The following IFT80 variants were observed in gnomAD, a reference collection of about 807,000 sequenced individuals.
The protein encoded by IFT80 is intraflagellar transport protein 80 homolog.
Under a neutral mutation model 107.9 loss-of-function variants are expected in IFT80, and 79 were observed. The observed-to-expected ratio is 0.73, with a 90% CI of 0.61 to 0.88. The LOEUF (loss-of-function observed/expected upper bound fraction) is 0.88, where lower values mean the gene tolerates loss of function less well. Ranked by LOEUF, IFT80 falls within the 40% of genes least tolerant of loss-of-function variation. The pLI is 0.00. For synonymous variants in IFT80, 299 were observed against 300.9 expected, an observed-to-expected ratio of 0.99 and a Z score of 0.07; for missense variants, 797 against 914.2, an observed-to-expected ratio of 0.87 and a Z score of 1.65.
intron 19 of IFT80, among the ~76,000 whole-genome samples, chr3:160,264,179 G>A (rs560220905): frequency 5.3e-5 from 8 of 149,708 alleles, no homozygotes; most frequent in East Asian, 2.0e-4. Context: ...GCGTGACCTC[G>A]GCTCACTGCA....
At chr3:160,308,772 T>C (rs1308817619) in intron 9 of IFT80, among the ~76,000 whole-genome samples, 1 of 152,200 alleles carries the variant, frequency 6.6e-6, no homozygotes, top group Non-Finnish European at 1.5e-5. Context: ...ATGATCTAAA[T>C]GTTTATGTCT....
chr3:160,343,801 C>A, intron 8 of IFT80: 1 of 331,352 alleles, frequency 3.0e-6, no homozygotes, highest in South Asian at 2.5e-5. Context: ...AGTCTTTCAT[C>A]TGATGGAATA....
intron 1 of IFT80, among the ~76,000 whole-genome samples, chr3:160,394,799 T>C (rs1713655467): frequency 6.6e-6 from 1 of 152,010 alleles, no homozygotes; most frequent in Non-Finnish European, 1.5e-5. Flanking sequence ...TTTGTACATG[T>C]TGATATAGAA....
chr3:160,378,706 C>T (rs1185863953), intron 3 of IFT80, among the ~76,000 whole-genome samples: 1 of 150,892 alleles, frequency 6.6e-6, no homozygotes, highest in East Asian at 1.9e-4. Context: ...ATCTAGGGCA[C>T]TTTTAACATC....
chr3:160,383,641 C>A, intron 2 of IFT80: 1 of 981,260 alleles, frequency 1.0e-6, no homozygotes, highest in Non-Finnish European at 1.2e-6. Flanking sequence ...TTTACCTATT[C>A]TTTCACAGAC....
chr3:160,309,215 A>G (rs914672779), intron 9 of IFT80, among the ~76,000 whole-genome samples: 12 of 152,198 alleles, frequency 7.9e-5, no homozygotes, highest in Admixed American at 2.6e-4. Context: ...GCAAAACTAT[A>G]AAATAACATA....
intron 9 of IFT80, among the ~76,000 whole-genome samples, chr3:160,308,284 A>C (rs1716973048): frequency 6.6e-6 from 1 of 152,154 alleles, no homozygotes; most frequent in South Asian, 2.1e-4. Flanking sequence ...GAAGAAGCCA[A>C]GCTGCAGGGA....
chr3:160,366,448 A>C (rs938528929), intron 5 of IFT80, among the ~76,000 whole-genome samples: 1 of 152,078 alleles, frequency 6.6e-6, no homozygotes, highest in Non-Finnish European at 1.5e-5. Context: ...ATTGAAATAC[A>C]TAAGATAAAA....
At chr3:160,386,702 T>C (rs1174505014) in intron 1 of IFT80, among the ~76,000 whole-genome samples, 1 of 152,166 alleles carries the variant, frequency 6.6e-6, no homozygotes, top group African/African-American at 2.4e-5. Flanking sequence ...GCCTCAATTA[T>C]TGCAGTGGCC....
At chr3:160,343,782 C>A (rs1482923642) in intron 8 of IFT80, 2 of 350,210 alleles carry the variant, frequency 5.7e-6, no homozygotes, top group Non-Finnish European at 1.1e-5. Context: ...GTTACTTTTG[C>A]TTGTTTATAG....
chr3:160,305,959 A>G (rs1299445287), intron 10 of IFT80, among the ~76,000 whole-genome samples: 1 of 152,158 alleles, frequency 6.6e-6, no homozygotes, highest in Non-Finnish European at 1.5e-5. Flanking sequence ...ACAGTTGCTC[A>G]ATAAGTGATA....
chr3:160,271,863 C>A, intron 18 of IFT80, among the ~76,000 whole-genome samples: 1 of 151,282 alleles, frequency 6.6e-6, no homozygotes. Context: ...TGGCTACTAA[C>A]ATCACAAAAA....
intron 8 of IFT80, among the ~76,000 whole-genome samples, chr3:160,325,979 T>G (rs1718648205): frequency 6.6e-6 from 1 of 151,958 alleles, no homozygotes; most frequent in Non-Finnish European, 1.5e-5. Context: ...ATTCTTACAT[T>G]AAAAATTTTT....
intron 6 of IFT80, among the ~76,000 whole-genome samples, chr3:160,361,525 C>T (rs904877499): frequency 1.3e-5 from 2 of 152,146 alleles, no homozygotes; most frequent in African/African-American, 4.8e-5. Flanking sequence ...ACCAAGCAGA[C>T]CCAATAGACA....
At chr3:160,384,353 A>C in intron 2 of IFT80, 1 of 1,163,544 alleles carries the variant, frequency 8.6e-7, no homozygotes, top group Non-Finnish European at 1.1e-6. Context: ...AACGTCAGTA[A>C]GAATTTTAAA....
chr3:160,338,512 TTCCCAGC>T (rs1008486443), intron 8 of IFT80, among the ~76,000 whole-genome samples: 1 of 152,000 alleles, frequency 6.6e-6, no homozygotes, highest in East Asian at 1.9e-4. Flanking sequence ...TGTGCCTGTA[TTCCCAGC>T]TACTCAGGAG....
chr3:160,285,881 T>C lies in IFT80; in HGVS notation c.1316-13A>G. ...AAGAGGAAGATTACTTGAAAAAAAGTAGAACATTAATTAATGTGTTATATT... is the reference window on the plus strand; with the variant it reads ...AAGAGGAAGATTACTTGAAAAAAAGCAGAACATTAATTAATGTGTTATATT... On this transcript the variant is annotated splice_polypyrimidine_tract_variant and intron_variant, in intron 12 of 19. Transcript: ENST00000326448. 1.9e-6 allele frequency: 3 copies of C among 1,592,530 alleles called. No individual in the cohort carries two copies. Among genetic ancestry groups the C allele is most frequent in the Non-Finnish European group, 2.6e-6 (3 of 1,161,416 alleles).
chr3:160,261,377 T>C (rs546475067), intron 19 of IFT80, among the ~76,000 whole-genome samples: 1 of 151,222 alleles, frequency 6.6e-6, no homozygotes, highest in East Asian at 1.9e-4. Context: ...AACAAAAAGA[T>C]AGAAATCACT....
chr3:160,282,191 G>C (rs1714736896), intron 14 of IFT80, among the ~76,000 whole-genome samples: 1 of 152,182 alleles, frequency 6.6e-6, no homozygotes, highest in Non-Finnish European at 1.5e-5. Flanking sequence ...TGAGGCAGGA[G>C]AATCACTTGA....
Sources: gnomAD v4.1 joint callset for allele counts (sites outside exome capture counted in the v4.1 genomes callset) on GRCh38, gnomAD v4.1.1 for gene constraint, MANE v1.5 for transcripts, NCBI Gene and HGNC (gene_info 2026-07-23, HGNC 2026-07-21) for gene names.